HEBP1: variants seen among roughly 807,000 people sequenced by gnomAD.
HEBP1 encodes the protein heme-binding protein 1.
HEBP1 carries 13 observed loss-of-function variants against 20.4 expected under a neutral mutation model. The observed-to-expected ratio is 0.64, with a 90% confidence interval of 0.42 to 1.01. The LOEUF is 1.01. Among genes scored for constraint, HEBP1 ranks in the 50% least tolerant of loss-of-function variants. HEBP1 has a pLI of 0.00. For missense variants in HEBP1, 241 were observed against 247.3 expected (o/e 0.97, Z 0.17); for synonymous variants, 92 against 90.7 (o/e 1.01, Z -0.08).
intron 3 of HEBP1, chr12:12,977,649 C>A (rs1864009463): frequency 6.6e-6 from 1 of 151,894 alleles, no homozygotes; most frequent in Non-Finnish European, 1.5e-5. Flanking sequence ...GCTCAATGAA[C>A]AATTCTCACT....
chr12:12,987,007 T>C (rs1169992716), intron 3 of HEBP1, 145 bp downstream of exon 3: 1 of 707,982 alleles, frequency 1.4e-6, no homozygotes, highest in Non-Finnish European at 2.4e-6. Context: ...GAAATTAAAA[T>C]GAGAAACTGT....
chr12:12,987,901 G>T (rs368676360), intron 2 of HEBP1, among the ~76,000 whole-genome samples: 4 of 152,292 alleles, frequency 2.6e-5, no homozygotes, highest in African/African-American at 9.6e-5. Context: ...CTCCCAAAGT[G>T]CTGGGATTAC....
intron 1 of HEBP1, among the ~76,000 whole-genome samples, chr12:12,991,773 T>G (rs920268512): frequency 1.3e-5 from 2 of 152,240 alleles, no homozygotes; most frequent in Non-Finnish European, 2.9e-5. Flanking sequence ...GGCTTTTTTT[T>G]TGTTCCTTCC....
intron 1 of HEBP1, among the ~76,000 whole-genome samples, chr12:12,993,078 T>C (rs1282760163): frequency 6.6e-6 from 1 of 152,076 alleles, no homozygotes; most frequent in African/African-American, 2.4e-5. Context: ...CTTTTCTTTA[T>C]CCTCCTTTCT....
At position 12,990,728 on chromosome 12, in the gene HEBP1, A is replaced by T. The variant is rs186645913; in HGVS notation, c.79-1313T>A. 3.9e-5 allele frequency among the ~76,000 whole-genome samples: 6 copies of T among 152,312 alleles called. No homozygotes were observed. The East Asian group carries it at 1.2e-3, about 29-fold the overall frequency. The stretch of plus-strand genomic sequence containing the variant: ...ACTAACAAATTAGCTACAAGATTAG[A>T]AATTACAATTTAGAGGTCATGCAGC... On this transcript the variant is annotated intron_variant, in intron 1 of 3. Transcript: ENST00000014930.
rs1411213845 is a variant in HEBP1, at chr12:12,987,277, A to G, written c.273T>C (p.Asp91=). 4 of 1,613,992 alleles carry G rather than the reference A, an allele frequency of 2.5e-6. No homozygotes were observed. Among genetic ancestry groups the G allele is most frequent in the African/African-American group, 1.3e-5 (1 of 74,922 alleles). ...CTTTTAATTTCTTCTGCAGAGAGCCATCTTCATTGGGGAACACAGCAAAGG... is the reference window on the plus strand; with the variant it reads ...CTTTTAATTTCTTCTGCAGAGAGCCGTCTTCATTGGGGAACACAGCAAAGG... ...PISFAVFPNE[D]GSLQKKLKVW... The change falls in exon 3 of 4, where the codon GAT becomes GAC. Residue 91 remains aspartate, a synonymous_variant. Transcript: ENST00000014930.
chr12:12,986,497 G>A lies in HEBP1; in HGVS notation c.398+655C>T, dbSNP rs1864154599. 6.6e-6 allele frequency: 1 copy of A among 152,270 alleles called. No individual in the cohort carries two copies. Among genetic ancestry groups the A allele is most frequent in the South Asian group, 2.1e-4 (1 of 4,834 alleles). The allele number at this position is 152,270 out of a possible 1,614,324, so 9.4% of individuals were successfully genotyped here. A position where few individuals can be genotyped will look rare whatever the true frequency, so the allele number is the denominator to read the frequency against. ...CTGGTTTGGTGCCTGTCACATGGGA[G>A]TGTTTTAACAAATGTGAGGAGTCAT... On this transcript the variant is annotated intron_variant, in intron 3 of 3. Coordinates refer to ENST00000014930, the MANE Select transcript of HEBP1 (RefSeq NM_015987.5). The surrounding 1 kb of genome is among the most constrained non-coding windows in gnomAD (Gnocchi z 4.3).
rs1280344903 is a variant in HEBP1 at position 12,989,409 on chromosome 12, C to G, written c.85G>C (p.Val29Leu). Residue 29 changes from valine to leucine, a missense_variant, in exon 2 of 4, where the codon GTT becomes CTT. Coordinates refer to ENST00000014930, the MANE Select transcript of HEBP1 (RefSeq NM_015987.5). ...QVLSKGDKEE[V>L]AYEERACEGG... ...TCACAGGCCCTTTCTTCATAGGCAA[C>G]TTCTTCCTAGAGAGAGAGAAGGTAC... 4 of 1,613,994 alleles carry G rather than the reference C, an allele frequency of 2.5e-6. No individual in the cohort carries two copies. Among genetic ancestry groups the G allele is most frequent in the African/African-American group, 2.7e-5 (2 of 74,926 alleles).
At position 12,974,952 on chromosome 12, in the gene HEBP1, A is replaced by G. The variant is rs1461722203; in HGVS notation, c.*356T>C. 5.0e-6 allele frequency: 1 copy of G among 200,872 alleles called. No homozygotes were observed. Among genetic ancestry groups the G allele is most frequent in the East Asian group, 1.7e-4 (1 of 5,922 alleles). 12.4% of individuals were successfully genotyped at this position (200,872 alleles called of 1,614,324 possible). A position where few individuals can be genotyped will look rare whatever the true frequency, so the allele number is the denominator to read the frequency against. The stretch of plus-strand genomic sequence containing the variant: ...AAGAATCACAGATGAAAGATCAGGC[A>G]CAAATCACATTTTCCCCCTTAATAA... On this transcript the variant is annotated 3_prime_UTR_variant, in exon 4 of 4. Transcript: ENST00000014930.
rs370601830 is a variant in HEBP1 at position 12,975,393 on chromosome 12, C to T, written c.485G>A (p.Arg162Gln). ...ACCCGTGCAGAAGTAGATGTCCCCC[C>T]GGTAGGTGGCTGTGCCCTCCAGGGC... Reference protein sequence around the residue: ...RAALEGTATYRGDIYFCTGYD... With the variant: ...RAALEGTATYQGDIYFCTGYD... Residue 162 changes from arginine to glutamine, a missense_variant, in exon 4 of 4, where the codon CGG becomes CAG. Coordinates refer to ENST00000014930, the MANE Select transcript of HEBP1 (RefSeq NM_015987.5). 2.7e-5 allele frequency: 44 copies of T among 1,613,668 alleles called. No homozygotes were observed. The highest frequency in any genetic ancestry group is 5.0e-5 in the Admixed American group (3 of 59,966).
At position 13,000,195 on chromosome 12, in the gene HEBP1, C is replaced by CGGCAGGGA. The variant is rs1864337646; in HGVS notation, c.-82_-81insTCCCTGCC. 5.9e-6 allele frequency: 2 copies of CGGCAGGGA among 340,306 alleles called. No individual in the cohort carries two copies. Among genetic ancestry groups the CGGCAGGGA allele is most frequent in the Admixed American group, 8.7e-5 (2 of 23,074 alleles). 21.1% of individuals were successfully genotyped at this position (340,306 alleles called of 1,614,324 possible). Reference sequence around the variant, plus strand: ...GAGCACCACGGGCAGCGACCACCGGCGGCAGGGCGGCAGGGCGGCAGGGCG... The same window carrying CGGCAGGGA: ...GAGCACCACGGGCAGCGACCACCGGCGGCAGGGAGGCAGGGCGGCAGGGCGGCAGGGCG... On this transcript the variant is annotated 5_prime_UTR_variant, in exon 1 of 4. Coordinates refer to ENST00000014930, the MANE Select transcript of HEBP1 (RefSeq NM_015987.5).
intron 2 of HEBP1, among the ~76,000 whole-genome samples, chr12:12,987,896 A>G (rs1490232392): frequency 1.3e-5 from 2 of 152,130 alleles, no homozygotes; most frequent in Non-Finnish European, 2.9e-5. Context: ...TTGGCCTCCC[A>G]AAGTGCTGGG....
chr12:12,994,247 C>A (rs1864265202), intron 1 of HEBP1, among the ~76,000 whole-genome samples: 1 of 152,088 alleles, frequency 6.6e-6, no homozygotes, highest in African/African-American at 2.4e-5. Flanking sequence ...GTGGCTGGAG[C>A]AAAGACTGTC....
intron 3 of HEBP1, among the ~76,000 whole-genome samples, chr12:12,976,409 C>G (rs79781724): frequency 0.021 from 3,193 of 152,268 alleles, 98 homozygotes; most frequent in African/African-American, 0.073. Context: ...TGTCTTGTAG[C>G]CTAGCCTAAA....
intron 3 of HEBP1, chr12:12,984,406 G>GTAGGAAATA (rs1176787843): frequency 2.0e-5 from 3 of 152,336 alleles, no homozygotes; most frequent in African/African-American, 7.2e-5. Context: ...ACACCACCAC[G>GTAGGAAATA]TAGGAAATAT....
Position 13,000,048 on chromosome 12 carries a change from TG to T in HEBP1, c.66del (p.Ser22ArgfsTer23). Reference sequence around the variant, plus strand: ...CCCTGCGGGCCTACCTTGTCCCCTTTGCTTAGGACCTGCCAAGGCCACGTCT... The same window carrying T: ...CCCTGCGGGCCTACCTTGTCCCCTTTCTTAGGACCTGCCAAGGCCACGTCT... ...SVETWPWQVL[S>X]KGDKEEVAYE... is the part of the protein sequence containing the mutation. On this transcript the variant is annotated frameshift_variant, in exon 1 of 4. Transcript: ENST00000014930. LOFTEE classifies it high-confidence loss of function. 2 of 1,611,312 alleles carry T rather than the reference TG, an allele frequency of 1.2e-6. No homozygotes were observed. Among genetic ancestry groups the T allele is most frequent in the Non-Finnish European group, 1.7e-6 (2 of 1,178,240 alleles).
chr12:12,992,414 G>C (rs1034942612), intron 1 of HEBP1, among the ~76,000 whole-genome samples: 1 of 152,152 alleles, frequency 6.6e-6, no homozygotes, highest in African/African-American at 2.4e-5. Context: ...ACATTGGACA[G>C]ACTGGTCTCG....
intron 3 of HEBP1, chr12:12,983,562 C>A: frequency 5.1e-6 from 2 of 388,660 alleles, no homozygotes; most frequent in Non-Finnish European, 5.2e-6. Context: ...ATCTCATTAA[C>A]ATTGCTTTCA....
At chr12:12,987,914 G>A (rs191011978) in intron 2 of HEBP1, among the ~76,000 whole-genome samples, 1 of 152,270 alleles carries the variant, frequency 6.6e-6, no homozygotes, top group East Asian at 1.9e-4. Context: ...GGGATTACAG[G>A]TGTGAGCCAC....
Sources: gnomAD v4.1 joint callset for allele counts (sites outside exome capture counted in the v4.1 genomes callset) on GRCh38, gnomAD v4.1.1 for gene constraint, Gnocchi (gnomAD v3.1) non-coding constraint, MANE v1.5 for transcripts, NCBI Gene and HGNC (gene_info 2026-07-23, HGNC 2026-07-21) for gene names.